The following UBR3 variants were observed in gnomAD, a reference collection of about 807,000 sequenced individuals.
The protein encoded by UBR3 is ubiquitin protein ligase E3 component n-recognin 3.
Under a neutral mutation model 243.2 loss-of-function variants are expected in UBR3, and 85 were observed. The observed-to-expected ratio is 0.35, with a 90% confidence interval of 0.29 to 0.42. The LOEUF is 0.42. UBR3 is among the 10% of genes least tolerant of loss of function. The probability of loss-of-function intolerance (pLI) is 1.00; values close to 1 mark genes in which losing one functional copy is unlikely to be tolerated. For missense variants in UBR3, 1,686 were observed against 2,300.8 expected (o/e 0.73, Z 5.47); for synonymous variants, 748 against 799.8 (o/e 0.94, Z 1.09).
At chr2:169,890,547 A>ATATATGTGTG (rs2084304082) in intron 5 of UBR3, among the ~76,000 whole-genome samples, 1 of 23,102 alleles carries the variant, frequency 4.3e-5, no homozygotes. Flanking sequence ...AGAGATATAT[A>ATATATGTGTG]TATATATATA....
At chr2:170,045,754 A>G (rs1362698994) in intron 32 of UBR3, among the ~76,000 whole-genome samples, 1 of 151,934 alleles carries the variant, frequency 6.6e-6, no homozygotes, top group Non-Finnish European at 1.5e-5. Flanking sequence ...ACCCTCACTT[A>G]TTCCCTCCTC....
At chr2:169,958,330 G>A (rs2087406925) in intron 23 of UBR3, 108 bp from the exon 24 acceptor site, 1 of 839,088 alleles carries the variant, frequency 1.2e-6, no homozygotes, top group Non-Finnish European at 1.9e-6. Context: ...AAAATAGATT[G>A]TTCTCACCTG....
At chr2:169,865,940 A>G (rs898463972) in intron 1 of UBR3, among the ~76,000 whole-genome samples, 3 of 152,100 alleles carry the variant, frequency 2.0e-5, no homozygotes, top group African/African-American at 7.2e-5. Context: ...ACCTGAGGTC[A>G]GGAGTTCGGG....
chr2:169,992,635 G>T (rs2089322650), intron 25 of UBR3, among the ~76,000 whole-genome samples: 1 of 152,066 alleles, frequency 6.6e-6, no homozygotes, highest in African/African-American at 2.4e-5. Context: ...CAAAACTTAA[G>T]GCCCGCAGTG....
intron 24 of UBR3, among the ~76,000 whole-genome samples, chr2:169,985,338 C>T (rs1348214814): frequency 1.3e-5 from 2 of 150,914 alleles, no homozygotes; most frequent in Non-Finnish European, 2.9e-5. Flanking sequence ...AAGTGATTTT[C>T]CTGCCTTAGC....
intron 32 of UBR3, among the ~76,000 whole-genome samples, chr2:170,051,151 C>T (rs940307085): frequency 2.6e-5 from 4 of 151,590 alleles, no homozygotes; most frequent in African/African-American, 9.7e-5. Flanking sequence ...TTTCCAAATA[C>T]TTTTGAGCCA....
chr2:169,892,567 A>T (rs1174833839), intron 6 of UBR3, among the ~76,000 whole-genome samples: 2 of 152,210 alleles, frequency 1.3e-5, no homozygotes, highest in African/African-American at 2.4e-5. Flanking sequence ...ATGGTAAGAA[A>T]TAGTACTGAA....
intron 24 of UBR3, among the ~76,000 whole-genome samples, chr2:169,985,224 C>CTTTTTTTTTTTTTTTT (rs71006060): frequency 8.8e-6 from 1 of 113,122 alleles, no homozygotes; most frequent in Non-Finnish European, 1.8e-5. Context: ...CAACTCTTTT[C>CTTTTTTTTTTTTTTTT]TTTTTTTTTT....
At chr2:170,033,334 A>G (rs1236186326) in intron 31 of UBR3, among the ~76,000 whole-genome samples, 1 of 151,992 alleles carries the variant, frequency 6.6e-6, no homozygotes, top group Non-Finnish European at 1.5e-5. Flanking sequence ...AATCTCATTT[A>G]ATCGTCAATA....
Position 170,007,047 on chromosome 2 carries a change from T to G in UBR3, c.4087T>G (p.Cys1363Gly). The G allele has an allele frequency of 1.2e-6, 2 of 1,614,064 alleles. No individual in the cohort carries two copies. Among genetic ancestry groups the G allele is most frequent in the Non-Finnish European group, 1.7e-6 (2 of 1,179,998 alleles). Reference sequence around the variant, plus strand: ...CAAAGGAGAATTCACGTGTCCACTCTGTAGGCAGTTTGCTAACAGTGTTCT... The same window carrying G: ...CAAAGGAGAATTCACGTGTCCACTCGGTAGGCAGTTTGCTAACAGTGTTCT... ...VDKGEFTCPL[C>G]RQFANSVLPC... The change falls in exon 28 of 39, where the codon TGT becomes GGT. Residue 1363 changes from cysteine to glycine, a missense_variant. This residue lies in a region of UBR3 where 156 missense variants were observed against 246.3 expected (regional missense o/e 0.63). Coordinates refer to ENST00000272793, the MANE Select transcript of UBR3 (RefSeq NM_172070.4).
At chr2:169,893,891 A>C (rs2084472499) in intron 6 of UBR3, among the ~76,000 whole-genome samples, 1 of 151,992 alleles carries the variant, frequency 6.6e-6, no homozygotes, top group Non-Finnish European at 1.5e-5. Context: ...CAAATCTTAA[A>C]TTCCTGCTAC....
intron 26 of UBR3, among the ~76,000 whole-genome samples, chr2:170,000,375 C>T (rs2089653563): frequency 1.3e-5 from 2 of 152,104 alleles, no homozygotes; most frequent in Admixed American, 1.3e-4. Flanking sequence ...ACCACTTCTC[C>T]CACTCCGTGG....
chr2:169,892,749 A>G (rs1450903426), intron 6 of UBR3, among the ~76,000 whole-genome samples: 3 of 152,140 alleles, frequency 2.0e-5, no homozygotes, highest in Non-Finnish European at 2.9e-5. Context: ...TGAAAAGTGC[A>G]CTGAAAAGAA....
chr2:169,953,553 G>A (rs2087133207), intron 23 of UBR3, among the ~76,000 whole-genome samples: 1 of 152,302 alleles, frequency 6.6e-6, no homozygotes, highest in East Asian at 1.9e-4. Context: ...ACTTGTATAT[G>A]TTCTTGTTAA....
chr2:169,845,048 T>A (rs561484967), intron 1 of UBR3, among the ~76,000 whole-genome samples: 1 of 152,334 alleles, frequency 6.6e-6, no homozygotes, highest in Admixed American at 6.5e-5. Flanking sequence ...ACATTTTTGA[T>A]ATATTTTCAT....
intron 11 of UBR3, among the ~76,000 whole-genome samples, chr2:169,919,097 G>T (rs1353181760): frequency 1.3e-5 from 2 of 152,148 alleles, no homozygotes; most frequent in Admixed American, 1.3e-4. Context: ...TGCGGCAGGG[G>T]GAATAGTGTA....
intron 28 of UBR3, among the ~76,000 whole-genome samples, chr2:170,007,470 C>T (rs956229297): frequency 6.6e-6 from 1 of 152,080 alleles, no homozygotes; most frequent in Non-Finnish European, 1.5e-5. Flanking sequence ...TTAAGATGTT[C>T]AAATAGGCCA....
intron 30 of UBR3, 119 bp downstream of exon 30, chr2:170,015,485 A>G: frequency 1.5e-6 from 1 of 659,546 alleles, no homozygotes; most frequent in South Asian, 2.1e-5. Flanking sequence ...CTATTTAGAT[A>G]GTGATATATA....
At chr2:169,986,099 T>C (rs1358712837) in intron 24 of UBR3, among the ~76,000 whole-genome samples, 1 of 152,194 alleles carries the variant, frequency 6.6e-6, no homozygotes, top group African/African-American at 2.4e-5. Flanking sequence ...TATTCATATA[T>C]AATATGGTCA....
Sources: allele counts gnomAD v4.1 joint callset (sites outside exome capture counted in the v4.1 genomes callset), GRCh38; gene constraint gnomAD v4.1.1; regional missense constraint gnomAD v4.1.1; transcripts MANE v1.5; gene names NCBI Gene and HGNC (gene_info 2026-07-23, HGNC 2026-07-21).